Variants in ST8SIA6 observed in about 807,000 individuals in gnomAD.
ST8SIA6 encodes ST8 alpha-N-acetyl-neuraminide alpha-2,8-sialyltransferase 6.
In ST8SIA6, 39 loss-of-function variants were observed where a neutral mutation model predicts 33.6. The ratio of observed to expected loss-of-function variants is 1.16; its 90% confidence interval spans 0.90 to 1.52. ST8SIA6 has a LOEUF of 1.52. Ranked by LOEUF, ST8SIA6 falls within the 40% of genes most tolerant of loss-of-function variation. ST8SIA6 has a pLI of 0.00. For missense variants in ST8SIA6, 441 were observed against 443.8 expected, an observed-to-expected ratio of 0.99 and a Z score of 0.06; for synonymous variants, 172 against 167.2, an observed-to-expected ratio of 1.03 and a Z score of -0.22.
At chr10:17,356,801 T>C (rs1043709081) in intron 4 of ST8SIA6, among the ~76,000 whole-genome samples, 2 of 152,152 alleles carry the variant, frequency 1.3e-5, no homozygotes, top group Admixed American at 1.3e-4. Context: ...TAATAATGGC[T>C]GTACCCTCCA....
At chr10:17,391,805 G>C (rs1358391561) in intron 2 of ST8SIA6, among the ~76,000 whole-genome samples, 2 of 152,118 alleles carry the variant, frequency 1.3e-5, no homozygotes, top group Non-Finnish European at 2.9e-5. Flanking sequence ...AGGGACATAG[G>C]CATGTTATTT....
chr10:17,345,393 C>T (rs571949423), intron 4 of ST8SIA6, among the ~76,000 whole-genome samples: 20 of 152,312 alleles, frequency 1.3e-4, no homozygotes, highest in African/African-American at 4.3e-4. Context: ...CCAGGCATGG[C>T]GTCAAGAGCA....
intron 4 of ST8SIA6, among the ~76,000 whole-genome samples, chr10:17,336,837 A>AC (rs943360153): frequency 1.0e-4 from 15 of 150,542 alleles, no homozygotes; most frequent in Non-Finnish European, 1.9e-4. Flanking sequence ...TAGTTGATCC[A>AC]CCCCCCTCGG....
At chr10:17,340,182 G>A (rs113372142) in intron 4 of ST8SIA6, among the ~76,000 whole-genome samples, 2,062 of 152,184 alleles carry the variant, frequency 0.014, 25 homozygotes, top group Non-Finnish European at 0.023. Context: ...TAACTTCCTC[G>A]TTCTCTTCGT....
At position 17,436,528 on chromosome 10, in the gene ST8SIA6, C is replaced by G. The variant is rs1377717474; in HGVS notation, c.200+17031G>C. ...CTAATGCTATCCCTCCCCCCTCCCCCCACCCCACAACAGTCCCTGGTGTGT... is the reference window on the plus strand; with the variant it reads ...CTAATGCTATCCCTCCCCCCTCCCCGCACCCCACAACAGTCCCTGGTGTGT... On this transcript the variant is annotated intron_variant, in intron 2 of 7. Coordinates refer to ENST00000377602, the MANE Select transcript of ST8SIA6 (RefSeq NM_001004470.3). Among the ~76,000 whole-genome samples, 8 of 125,350 alleles carry G rather than the reference C, an allele frequency of 6.4e-5. No homozygotes were observed. The East Asian group carries it at 2.2e-3, about 35-fold the overall frequency. The allele number at this position is 125,350 out of a possible 152,430, so 82.2% of individuals were successfully genotyped here. A position where few individuals can be genotyped will look rare whatever the true frequency, so the allele number is the denominator to read the frequency against.
intron 4 of ST8SIA6, among the ~76,000 whole-genome samples, chr10:17,340,211 C>A (rs547082083): frequency 6.6e-6 from 1 of 152,134 alleles, no homozygotes; most frequent in African/African-American, 2.4e-5. Context: ...CCCTAGTTTC[C>A]GTAAACAACC....
intron 6 of ST8SIA6, 83 bp from the exon 7 acceptor site, chr10:17,323,240 C>T (rs1848019317): frequency 2.5e-6 from 2 of 794,192 alleles, no homozygotes; most frequent in Non-Finnish European, 4.1e-6. Context: ...CACACACACA[C>T]ACACACACAC....
intron 4 of ST8SIA6, among the ~76,000 whole-genome samples, chr10:17,352,059 G>C (rs1849049228): frequency 9.6e-6 from 1 of 103,870 alleles, no homozygotes; most frequent in Non-Finnish European, 2.0e-5. Flanking sequence ...AAAAAAAAAT[G>C]TTAAGCATAT....
intron 3 of ST8SIA6, among the ~76,000 whole-genome samples, chr10:17,362,534 G>A (rs1444527): frequency 6.6e-6 from 1 of 151,728 alleles, no homozygotes; most frequent in Non-Finnish European, 1.5e-5. Flanking sequence ...TCCTATGAGC[G>A]CTCAGACTGC....
chr10:17,384,482 T>C (rs1472313329), intron 3 of ST8SIA6, among the ~76,000 whole-genome samples: 2 of 152,218 alleles, frequency 1.3e-5, no homozygotes, highest in African/African-American at 4.8e-5. Context: ...TTTAATAACA[T>C]GGGAAACTGG....
chr10:17,418,993 C>CAAAAA (rs910044275), intron 2 of ST8SIA6, among the ~76,000 whole-genome samples: 6,044 of 55,918 alleles, frequency 0.11, 605 homozygotes, highest in Non-Finnish European at 0.17. Context: ...GGCTCCATCT[C>CAAAAA]AAAAAAAAAA....
At chr10:17,347,032 G>C (rs1357854194) in intron 4 of ST8SIA6, among the ~76,000 whole-genome samples, 1 of 152,130 alleles carries the variant, frequency 6.6e-6, no homozygotes, top group African/African-American at 2.4e-5. Flanking sequence ...GGACACCTCA[G>C]TTTTTGCTCT....
chr10:17,378,937 T>A (rs796339306), intron 3 of ST8SIA6, among the ~76,000 whole-genome samples: 1 of 151,984 alleles, frequency 6.6e-6, no homozygotes, highest in Non-Finnish European at 1.5e-5. Flanking sequence ...CCATCCTGGC[T>A]AACATGGTGA....
chr10:17,401,877 G>T (rs1465710643), intron 2 of ST8SIA6, among the ~76,000 whole-genome samples: 1 of 149,126 alleles, frequency 6.7e-6, no homozygotes, highest in African/African-American at 2.5e-5. Flanking sequence ...CATGGGCAGG[G>T]ACTTCATGTC....
chr10:17,321,421 A>T, intron 7 of ST8SIA6, 75 bp from the exon 8 acceptor site: 1 of 1,222,784 alleles, frequency 8.2e-7, no homozygotes, highest in Non-Finnish European at 1.1e-6. Context: ...CATAAAGCTG[A>T]ATTTACCATT....
chr10:17,360,692 A>C (rs1002476588), intron 3 of ST8SIA6, among the ~76,000 whole-genome samples: 3 of 152,078 alleles, frequency 2.0e-5, no homozygotes, highest in African/African-American at 2.4e-5. Context: ...AGCAAAACCA[A>C]ACAAAATCAT....
intron 4 of ST8SIA6, among the ~76,000 whole-genome samples, chr10:17,346,567 T>C (rs1483272651): frequency 6.6e-6 from 1 of 152,078 alleles, no homozygotes; most frequent in Non-Finnish European, 1.5e-5. Context: ...GCATACCAGT[T>C]TGGGTGACAG....
In ST8SIA6 at chr10:17,416,588, G is replaced by A. The variant is rs77926255; in HGVS notation, c.201-25968C>T. Reference sequence around the variant, plus strand: ...TGCTCAAGCCAAACATTTATCATTCGGATTCCTGTCCTTCTCTTCTCTCCT... The same window carrying A: ...TGCTCAAGCCAAACATTTATCATTCAGATTCCTGTCCTTCTCTTCTCTCCT... On this transcript the variant is annotated intron_variant, in intron 2 of 7. Transcript: ENST00000377602. 9.0e-3 allele frequency among the ~76,000 whole-genome samples: 1,372 copies of A among 152,162 alleles called. 15 individuals carry two copies. Among genetic ancestry groups the A allele is most frequent in the African/African-American group, 0.031 (1,307 of 41,524 alleles).
In ST8SIA6 at chr10:17,374,752, AATATAT is replaced by A. The variant is rs945167221; in HGVS notation, c.291-15158_291-15153del. Reference sequence around the variant, plus strand: ...TAAATAAATAAATAAATAAATAATAAATATATATATATATATTTAGCTCAACTGCCC... The same window carrying A: ...TAAATAAATAAATAAATAAATAATAAATATATATATTTAGCTCAACTGCCC... On this transcript the variant is annotated intron_variant, in intron 3 of 7. Transcript: ENST00000377602. Among the ~76,000 whole-genome samples the A allele has an allele frequency of 1.6e-5, 2 of 123,310 alleles. 1 individual carries two copies. The allele number at this position is 123,310 out of a possible 152,430, so 80.9% of individuals were successfully genotyped here.
Sources: gnomAD v4.1 joint callset for allele counts (sites outside exome capture counted in the v4.1 genomes callset) on GRCh38, gnomAD v4.1.1 for gene constraint, MANE v1.5 for transcripts, NCBI Gene and HGNC (gene_info 2026-07-23, HGNC 2026-07-21) for gene names.